WWOX: variants seen among roughly 807,000 people sequenced by gnomAD.
WWOX encodes the protein WW domain-containing oxidoreductase.
A neutral mutation model predicts 46.2 loss-of-function variants in WWOX; 69 were observed. The ratio of observed to expected loss-of-function variants is 1.49; its 90% CI spans 1.23 to 1.82. The LOEUF (loss-of-function observed/expected upper bound fraction) is 1.82, where lower values mean the gene tolerates loss of function less well. WWOX is among the 40% of genes most tolerant of loss of function. The probability of loss-of-function intolerance (pLI) is 0.00; values close to 1 mark genes in which losing one functional copy is unlikely to be tolerated. For missense variants in WWOX, 919 were observed against 542.6 expected, an observed-to-expected ratio of 1.69 and a Z score of -6.89; for synonymous variants, 359 against 202.6, an observed-to-expected ratio of 1.77 and a Z score of -6.56.
At chr16:78,471,056 C>G (rs1384547672) in intron 8 of WWOX, among the ~76,000 whole-genome samples, 1 of 152,222 alleles carries the variant, frequency 6.6e-6, no homozygotes, top group African/African-American at 2.4e-5. Flanking sequence ...TTTCACTCTT[C>G]CTTCCTACCC....
intron 4 of WWOX, among the ~76,000 whole-genome samples, chr16:78,132,315 C>T (rs1415177771): frequency 6.6e-6 from 1 of 152,090 alleles, no homozygotes; most frequent in Admixed American, 6.5e-5. Flanking sequence ...CGTGAGCCAC[C>T]ACGCCCGGCC....
intron 8 of WWOX, among the ~76,000 whole-genome samples, chr16:78,842,705 A>G (rs2052190175): frequency 6.6e-6 from 1 of 152,086 alleles, no homozygotes; most frequent in African/African-American, 2.4e-5. Flanking sequence ...TTCTACAAGA[A>G]GTAAAAAAAA....
intron 5 of WWOX, among the ~76,000 whole-genome samples, chr16:78,283,762 A>G (rs1286882364): frequency 6.6e-6 from 1 of 152,204 alleles, no homozygotes; most frequent in Non-Finnish European, 1.5e-5. Context: ...ACATAGTGAC[A>G]ACAGTGGGTT....
At chr16:79,043,640 G>A (rs1269350977) in intron 8 of WWOX, among the ~76,000 whole-genome samples, 2 of 152,206 alleles carry the variant, frequency 1.3e-5, no homozygotes, top group African/African-American at 2.4e-5. Context: ...TATTAAGTAA[G>A]TAATTTGAGA....
Position 78,403,072 on chromosome 16 carries a change from A to G in WWOX, c.605+16124A>G, listed in dbSNP as rs951630693. ...CTGTCAGGGGCTTCTGAACTCTATT[A>G]CAGCTCCATATATCTCTAGGCAAAA... On this transcript the variant is annotated intron_variant, in intron 6 of 8. Transcript: ENST00000566780. 6.6e-5 allele frequency among the ~76,000 whole-genome samples: 10 copies of G among 152,346 alleles called. 1 individual carries two copies. The highest frequency in any genetic ancestry group is 2.4e-4 in the African/African-American group (10 of 41,588).
At chr16:78,704,623 A>C (rs2048293528) in intron 8 of WWOX, among the ~76,000 whole-genome samples, 1 of 152,298 alleles carries the variant, frequency 6.6e-6, no homozygotes, top group Non-Finnish European at 1.5e-5. Context: ...AAAATTAGTC[A>C]TGCATTCTTG....
chr16:79,170,240 C>T (rs2050674313), intron 8 of WWOX, among the ~76,000 whole-genome samples: 1 of 152,218 alleles, frequency 6.6e-6, no homozygotes. Context: ...AACATCATCT[C>T]ATTTAATCCT....
chr16:78,333,581 A>G (rs918470638), intron 5 of WWOX, among the ~76,000 whole-genome samples: 1 of 152,208 alleles, frequency 6.6e-6, no homozygotes, highest in Non-Finnish European at 1.5e-5. Context: ...CTGCTAAAAC[A>G]TGCATATATA....
At chr16:78,492,724 T>A (rs72801928) in intron 8 of WWOX, among the ~76,000 whole-genome samples, 16,993 of 152,294 alleles carry the variant, frequency 0.11, 1,044 homozygotes, top group African/African-American at 0.16. Context: ...TTCAAAGTTA[T>A]GATTCAGGGA....
intron 8 of WWOX, among the ~76,000 whole-genome samples, chr16:78,568,027 C>T (rs752794550): frequency 1.6e-4 from 25 of 152,090 alleles, no homozygotes; most frequent in Non-Finnish European, 2.9e-4. Flanking sequence ...GAATTGAAGG[C>T]GGCAGGAGTC....
intron 8 of WWOX, among the ~76,000 whole-genome samples, chr16:79,097,170 G>T (rs559982877): frequency 1.3e-5 from 2 of 152,184 alleles, no homozygotes; most frequent in Admixed American, 1.3e-4. Context: ...CTCTGGGTCA[G>T]TGGATTCACA....
intron 8 of WWOX, among the ~76,000 whole-genome samples, chr16:78,710,496 A>ATATATATATATATATATT (rs1567507575): frequency 1.5e-5 from 2 of 134,440 alleles, no homozygotes; most frequent in African/African-American, 2.7e-5. Flanking sequence ...ATATATATAT[A>ATATATATATATATATATT]TATTTATATA....
chr16:78,459,213 C>A (rs1402967519), intron 8 of WWOX, among the ~76,000 whole-genome samples: 1 of 152,142 alleles, frequency 6.6e-6, no homozygotes, highest in Non-Finnish European at 1.5e-5. Context: ...GATTAAGAAG[C>A]CAAACCCAGA....
intron 8 of WWOX, among the ~76,000 whole-genome samples, chr16:79,145,178 T>C (rs773863865): frequency 9.2e-5 from 14 of 152,210 alleles, no homozygotes; most frequent in Non-Finnish European, 1.8e-4. Context: ...TTATTGTTTT[T>C]ATTCTCTATC....
intron 5 of WWOX, among the ~76,000 whole-genome samples, chr16:78,356,238 CAT>C (rs1448598134): frequency 6.6e-6 from 1 of 151,876 alleles, no homozygotes; most frequent in Non-Finnish European, 1.5e-5. Context: ...ATCATATACA[CAT>C]ATATAAAATA....
intron 8 of WWOX, among the ~76,000 whole-genome samples, chr16:78,749,989 C>T (rs1054573607): frequency 6.6e-6 from 1 of 152,046 alleles, no homozygotes; most frequent in Non-Finnish European, 1.5e-5. Context: ...ACTCTCAGCT[C>T]CCCCCAACAA....
At chr16:79,191,246 G>C (rs558602491) in intron 8 of WWOX, among the ~76,000 whole-genome samples, 1 of 152,026 alleles carries the variant, frequency 6.6e-6, no homozygotes, top group East Asian at 2.0e-4. Flanking sequence ...AGCAGAGACA[G>C]GGTTTCACCG....
chr16:78,641,141 A>T (rs1169419263), intron 8 of WWOX, among the ~76,000 whole-genome samples: 1 of 152,138 alleles, frequency 6.6e-6, no homozygotes, highest in East Asian at 1.9e-4. Flanking sequence ...TCCTCCAAAA[A>T]AATTCTCTTC....
rs111870183 is a variant in WWOX at position 79,027,501 on chromosome 16, T to G, written c.1057-184107T>G. 3.6e-4 allele frequency among the ~76,000 whole-genome samples: 55 copies of G among 151,916 alleles called. 3 individuals carry two copies. Among genetic ancestry groups the G allele is most frequent in the African/African-American group, 1.3e-3 (54 of 41,196 alleles). Reference sequence around the variant, plus strand: ...CTCCAACTGAATAAGAACTAATGACTTCTGCCTGCCATCATTTTGGAATGT... The same window carrying G: ...CTCCAACTGAATAAGAACTAATGACGTCTGCCTGCCATCATTTTGGAATGT... On this transcript the variant is annotated intron_variant, in intron 8 of 8. Transcript: ENST00000566780.
Sources: allele counts gnomAD v4.1 joint callset (sites outside exome capture counted in the v4.1 genomes callset), GRCh38; gene constraint gnomAD v4.1.1; transcripts MANE v1.5; gene names NCBI Gene and HGNC (gene_info 2026-07-23, HGNC 2026-07-21).